Variants in KDM4C observed in about 807,000 individuals in gnomAD.
The protein encoded by KDM4C is lysine demethylase 4C.
A neutral mutation model predicts 129.3 loss-of-function variants in KDM4C; 81 were observed. The ratio of observed to expected loss-of-function variants is 0.63; its 90% CI spans 0.52 to 0.75. The LOEUF is 0.75. KDM4C is among the 30% of genes least tolerant of loss of function. KDM4C has a pLI of 0.00. For missense variants in KDM4C, 1,457 were observed against 1,304.0 expected, an observed-to-expected ratio of 1.12 and a Z score of -1.81; for synonymous variants, 573 against 456.1, an observed-to-expected ratio of 1.26 and a Z score of -3.26.
intron 12 of KDM4C, among the ~76,000 whole-genome samples, chr9:6,994,575 C>G (rs1245710862): frequency 6.6e-6 from 1 of 152,166 alleles, no homozygotes; most frequent in Non-Finnish European, 1.5e-5. Flanking sequence ...TGGTAGTGAA[C>G]ATTTCCCTGC....
At chr9:7,060,087 A>C (rs888423123) in intron 17 of KDM4C, among the ~76,000 whole-genome samples, 1 of 152,042 alleles carries the variant, frequency 6.6e-6, no homozygotes, top group Admixed American at 6.5e-5. Flanking sequence ...ATTCCTTGCA[A>C]TGATTTTGTT....
In KDM4C at chr9:7,106,473, A is replaced by G. The variant is rs1459156081; in HGVS notation, c.2610+2603A>G. 4.6e-5 allele frequency among the ~76,000 whole-genome samples: 7 copies of G among 152,168 alleles called. No individual in the cohort carries two copies. In the East Asian group the frequency reaches 1.4e-3, roughly 29 times the overall value. On this transcript the variant is annotated intron_variant, in intron 18 of 21. Transcript: ENST00000381309. The stretch of plus-strand genomic sequence containing the variant: ...CAGTTGTTTTACAGAATAATGGAGG[A>G]TGCCTGTATGATTTAGGTGAAATGA...
chr9:6,943,190 T>G (rs1826271422), intron 8 of KDM4C, among the ~76,000 whole-genome samples: 1 of 152,156 alleles, frequency 6.6e-6, no homozygotes, highest in Non-Finnish European at 1.5e-5. Context: ...GAATTTTAAC[T>G]GATTTTTATT....
chr9:6,876,697 T>C (rs1297064757), intron 5 of KDM4C, among the ~76,000 whole-genome samples: 2 of 152,122 alleles, frequency 1.3e-5, no homozygotes, highest in African/African-American at 4.8e-5. Flanking sequence ...TGCAGAGAAG[T>C]CAGTGAGTCT....
chr9:7,015,819 A>T, intron 14 of KDM4C, 34 bp from the exon 15 acceptor site: 1 of 1,422,594 alleles, frequency 7.0e-7, no homozygotes, highest in Non-Finnish European at 9.9e-7. Flanking sequence ...GGTGAAAAAG[A>T]CCTAACGCAT....
At chr9:7,071,006 T>C (rs1476414585) in intron 17 of KDM4C, among the ~76,000 whole-genome samples, 1 of 152,204 alleles carries the variant, frequency 6.6e-6, no homozygotes, top group Non-Finnish European at 1.5e-5. Context: ...TTAAAAAATT[T>C]CATTGTATTT....
At chr9:6,729,123 G>GAA (rs1554663576) in intron 1 of KDM4C, among the ~76,000 whole-genome samples, 5 of 75,014 alleles carry the variant, frequency 6.7e-5, no homozygotes, top group South Asian at 6.0e-4. Context: ...AGAATTGCTT[G>GAA]AACCCGGGAA....
chr9:6,958,066 T>G (rs997356178), intron 8 of KDM4C, among the ~76,000 whole-genome samples: 1 of 146,106 alleles, frequency 6.8e-6, no homozygotes, highest in Non-Finnish European at 1.5e-5. Flanking sequence ...CAACTGAGGG[T>G]TTGCTTCAGC....
chr9:7,098,524 A>G (rs1453346689), intron 17 of KDM4C, among the ~76,000 whole-genome samples: 1 of 152,216 alleles, frequency 6.6e-6, no homozygotes, highest in African/African-American at 2.4e-5. Flanking sequence ...CCAGTTGCCC[A>G]AGTAAACAGG....
At chr9:6,961,122 G>A (rs1829975737) in intron 8 of KDM4C, among the ~76,000 whole-genome samples, 1 of 152,168 alleles carries the variant, frequency 6.6e-6, no homozygotes, top group African/African-American at 2.4e-5. Context: ...TATTATGTCA[G>A]CATTGTGAGT....
chr9:6,996,596 C>G (rs1311507961), intron 12 of KDM4C, among the ~76,000 whole-genome samples: 3 of 152,184 alleles, frequency 2.0e-5, no homozygotes, highest in Non-Finnish European at 4.4e-5. Flanking sequence ...CAATTGTAAA[C>G]TAAGGACAAG....
At chr9:6,836,889 T>C (rs77049913) in intron 4 of KDM4C, among the ~76,000 whole-genome samples, 9,196 of 152,224 alleles carry the variant, frequency 0.06, 378 homozygotes, top group East Asian at 0.15. Flanking sequence ...ATAAATATTG[T>C]TGCTGTGAAC....
At chr9:7,140,644 T>A (rs898345331) in intron 19 of KDM4C, among the ~76,000 whole-genome samples, 1 of 152,226 alleles carries the variant, frequency 6.6e-6, no homozygotes, top group African/African-American at 2.4e-5. Flanking sequence ...AAATACCTTA[T>A]CCTTCCATGA....
intron 19 of KDM4C, among the ~76,000 whole-genome samples, chr9:7,150,713 C>T (rs1288891143): frequency 2.6e-5 from 4 of 152,228 alleles, no homozygotes; most frequent in South Asian, 2.1e-4. Context: ...TGGTCAACCC[C>T]GCAGTGTCAA....
At chr9:6,860,089 G>C (rs1840650370) in intron 5 of KDM4C, among the ~76,000 whole-genome samples, 2 of 152,120 alleles carry the variant, frequency 1.3e-5, no homozygotes, top group African/African-American at 4.8e-5. Flanking sequence ...AACTAAAAGA[G>C]AAACGTGCTC....
chr9:6,764,401 C>T (rs1171681319), intron 1 of KDM4C, among the ~76,000 whole-genome samples: 1 of 152,170 alleles, frequency 6.6e-6, no homozygotes, highest in African/African-American at 2.4e-5. Context: ...AAAGATTTCC[C>T]TTGCACAGTT....
chr9:7,070,555 T>A (rs1232719989), intron 17 of KDM4C, among the ~76,000 whole-genome samples: 4 of 152,170 alleles, frequency 2.6e-5, no homozygotes, highest in Non-Finnish European at 5.9e-5. Context: ...AAGGCTTATT[T>A]AACTTTTTAA....
intron 8 of KDM4C, among the ~76,000 whole-genome samples, chr9:6,941,242 C>A (rs1182904585): frequency 6.6e-6 from 1 of 152,294 alleles, no homozygotes; most frequent in East Asian, 1.9e-4. Context: ...CTCCTGACCT[C>A]AAGTGATCTG....
At chr9:7,128,397 A>G (rs533662453) in intron 19 of KDM4C, among the ~76,000 whole-genome samples, 161 bp downstream of exon 19, 1 of 151,652 alleles carries the variant, frequency 6.6e-6, no homozygotes, top group East Asian at 1.9e-4. Flanking sequence ...ACTTAGACTG[A>G]TCTTCCCACA....
Sources: gnomAD v4.1 joint callset for allele counts (sites outside exome capture counted in the v4.1 genomes callset) on GRCh38, gnomAD v4.1.1 for gene constraint, MANE v1.5 for transcripts, NCBI Gene and HGNC (gene_info 2026-07-23, HGNC 2026-07-21) for gene names.